ZFPM2: variants seen among roughly 807,000 people sequenced by gnomAD.
The protein encoded by ZFPM2 is zinc finger protein ZFPM2.
Under a neutral mutation model 98.6 loss-of-function variants are expected in ZFPM2, and 20 were observed. The ratio of observed to expected loss-of-function variants is 0.20; its 90% confidence interval spans 0.14 to 0.29. The LOEUF is 0.29. ZFPM2 is among the 10% of genes least tolerant of loss of function. ZFPM2 has a pLI of 1.00. For synonymous variants in ZFPM2, 518 were observed against 502.7 expected, an observed-to-expected ratio of 1.03 and a Z score of -0.41; for missense variants, 1,310 against 1,388.6, an observed-to-expected ratio of 0.94 and a Z score of 0.90.
chr8:105,776,789 T>A (rs1003352419), intron 5 of ZFPM2, among the ~76,000 whole-genome samples: 2 of 152,194 alleles, frequency 1.3e-5, no homozygotes, highest in South Asian at 4.1e-4. Context: ...AATAGGGAAC[T>A]AACTACTGAA....
At chr8:105,658,630 ATCACTAGATTT>A (rs1278275718) in intron 5 of ZFPM2, among the ~76,000 whole-genome samples, 25 of 151,134 alleles carry the variant, frequency 1.7e-4, no homozygotes, top group Middle Eastern at 6.9e-3. Context: ...AGCAGACTGC[ATCACTAGATTT>A]TCCTGTACCT....
intron 5 of ZFPM2, among the ~76,000 whole-genome samples, chr8:105,666,688 A>G (rs542880909): frequency 1.3e-5 from 2 of 152,336 alleles, no homozygotes; most frequent in South Asian, 4.1e-4. Flanking sequence ...TTTCCATTGT[A>G]TTGGCATTTG....
At chr8:105,569,199 A>G (rs1181814045) in intron 4 of ZFPM2, among the ~76,000 whole-genome samples, 2 of 152,142 alleles carry the variant, frequency 1.3e-5, no homozygotes, top group African/African-American at 4.8e-5. Context: ...TGCAGACCAT[A>G]TGCTTATTAT....
chr8:105,792,742 C>G (rs150822852), intron 6 of ZFPM2, among the ~76,000 whole-genome samples: 10,449 of 152,030 alleles, frequency 0.069, 430 homozygotes, highest in East Asian at 0.12. Flanking sequence ...AGGTCACTCA[C>G]GACTTGCTTT....
chr8:105,403,822 T>C (rs1811386021), intron 1 of ZFPM2, among the ~76,000 whole-genome samples: 1 of 152,046 alleles, frequency 6.6e-6, no homozygotes, highest in Non-Finnish European at 1.5e-5. Context: ...GCGTGCAGCG[T>C]CTAGCGTGAT....
intron 4 of ZFPM2, among the ~76,000 whole-genome samples, chr8:105,593,028 C>T (rs577695422): frequency 6.6e-6 from 1 of 152,230 alleles, no homozygotes; most frequent in South Asian, 2.1e-4. Context: ...GCTAGAAATA[C>T]TGAACTGGGA....
chr8:105,665,266 G>C (rs1817467721), intron 5 of ZFPM2, among the ~76,000 whole-genome samples: 1 of 152,034 alleles, frequency 6.6e-6, no homozygotes, highest in African/African-American at 2.4e-5. Flanking sequence ...CCTTTCACTA[G>C]GGCCCACTTG....
chr8:105,699,170 G>A (rs1433297964), intron 5 of ZFPM2, among the ~76,000 whole-genome samples: 2 of 152,114 alleles, frequency 1.3e-5, no homozygotes, highest in East Asian at 3.9e-4. Flanking sequence ...AAAATTAAAT[G>A]TGAGTGAATT....
At chr8:105,749,765 G>C (rs1162590635) in intron 5 of ZFPM2, among the ~76,000 whole-genome samples, 2 of 151,954 alleles carry the variant, frequency 1.3e-5, no homozygotes, top group Non-Finnish European at 2.9e-5. Flanking sequence ...AAGGTGGAAG[G>C]GAAAAGGAGG....
At chr8:105,498,243 A>G (rs1306505052) in intron 3 of ZFPM2, among the ~76,000 whole-genome samples, 2 of 152,152 alleles carry the variant, frequency 1.3e-5, no homozygotes, top group Non-Finnish European at 2.9e-5. Flanking sequence ...TAAGGCATTC[A>G]TTCTTTATCT....
intron 3 of ZFPM2, among the ~76,000 whole-genome samples, chr8:105,468,769 T>C (rs1468714560): frequency 6.6e-6 from 1 of 152,188 alleles, no homozygotes; most frequent in Non-Finnish European, 1.5e-5. Context: ...CTCAACAATC[T>C]AAGGCCCTGA....
At chr8:105,689,486 G>T (rs1810824870) in intron 5 of ZFPM2, among the ~76,000 whole-genome samples, 1 of 152,106 alleles carries the variant, frequency 6.6e-6, no homozygotes, top group African/African-American at 2.4e-5. Flanking sequence ...ATGCTATTCA[G>T]ATTTTTTTTG....
At chr8:105,662,421 A>C (rs1372030630) in intron 5 of ZFPM2, 1 of 152,080 alleles carries the variant, frequency 6.6e-6, no homozygotes, top group Admixed American at 6.6e-5. Flanking sequence ...CCCCTGTATC[A>C]ACTTGGGTAA....
At chr8:105,598,064 AC>A (rs1368690528) in intron 4 of ZFPM2, among the ~76,000 whole-genome samples, 2 of 144,512 alleles carry the variant, frequency 1.4e-5, no homozygotes, top group African/African-American at 5.1e-5. Flanking sequence ...AAAAAAAAAA[AC>A]CTTTTTTTTT....
chr8:105,457,284 G>C (rs1479778947), intron 3 of ZFPM2, among the ~76,000 whole-genome samples: 1 of 152,080 alleles, frequency 6.6e-6, no homozygotes, highest in Non-Finnish European at 1.5e-5. Context: ...ATTGATACTT[G>C]GAGCTTGCAA....
chr8:105,723,307 A>T (rs918733912), intron 5 of ZFPM2, among the ~76,000 whole-genome samples: 1 of 151,820 alleles, frequency 6.6e-6, no homozygotes, highest in Non-Finnish European at 1.5e-5. Context: ...TTTTTCTATA[A>T]CAATGACGGC....
intron 3 of ZFPM2, among the ~76,000 whole-genome samples, chr8:105,541,556 G>A (rs1814575238): frequency 6.6e-6 from 1 of 152,260 alleles, no homozygotes; most frequent in South Asian, 2.1e-4. Flanking sequence ...TTGCTTAAAG[G>A]CAGTACTTTC....
chr8:105,726,807 G>C (rs1368859331), intron 5 of ZFPM2, among the ~76,000 whole-genome samples: 1 of 151,702 alleles, frequency 6.6e-6, no homozygotes, highest in Non-Finnish European at 1.5e-5. Context: ...GATGGAAGGA[G>C]ACCGTGAATT....
intron 5 of ZFPM2, among the ~76,000 whole-genome samples, chr8:105,693,044 A>T (rs1286958978): frequency 6.6e-6 from 1 of 152,240 alleles, no homozygotes; most frequent in East Asian, 1.9e-4. Context: ...AGAGCATGAC[A>T]TGAGAAGAGC....
Sources: allele counts gnomAD v4.1 joint callset (sites outside exome capture counted in the v4.1 genomes callset), GRCh38; gene constraint gnomAD v4.1.1; transcripts MANE v1.5; gene names NCBI Gene and HGNC (gene_info 2026-07-23, HGNC 2026-07-21).